The following PRH1 variants were observed in gnomAD, a reference collection of about 807,000 sequenced individuals.
PRH1 encodes salivary acidic proline-rich phosphoprotein 1/2.
A neutral mutation model predicts 7.9 loss-of-function variants in PRH1; 7 were observed. The ratio of observed to expected loss-of-function variants is 0.89; its 90% CI spans 0.50 to 1.67. The LOEUF (loss-of-function observed/expected upper bound fraction) is 1.67. Among genes scored for constraint, PRH1 ranks in the 40% most tolerant of loss-of-function variants. PRH1 has a pLI of 0.00. For missense variants in PRH1, 109 were observed against 223.6 expected, an observed-to-expected ratio of 0.49 and a Z score of 3.27; for synonymous variants, 45 against 80.8, an observed-to-expected ratio of 0.56 and a Z score of 2.38.
intron 1 of PRH1, among the ~76,000 whole-genome samples, chr12:11,101,431 A>G (rs1281614831): frequency 6.6e-6 from 1 of 152,230 alleles, no homozygotes; most frequent in African/African-American, 2.4e-5. Flanking sequence ...CAGAGGCTGC[A>G]TTGAGCCAAG....
chr12:10,928,438 T>G (rs188148303), intron 2 of PRH1, among the ~76,000 whole-genome samples: 2 of 152,340 alleles, frequency 1.3e-5, no homozygotes, highest in East Asian at 3.9e-4. Flanking sequence ...CTTAGCTACA[T>G]GACATCGTGT....
intron 1 of PRH1, among the ~76,000 whole-genome samples, chr12:11,029,870 T>C (rs1942099339): frequency 6.6e-6 from 1 of 152,306 alleles, no homozygotes; most frequent in South Asian, 2.1e-4. Context: ...TAGAAATTCA[T>C]AATGGAATAA....
intron 1 of PRH1, among the ~76,000 whole-genome samples, chr12:11,027,906 C>T (rs1483665761): frequency 6.6e-6 from 1 of 152,212 alleles, no homozygotes; most frequent in Non-Finnish European, 1.5e-5. Flanking sequence ...AGCATAGAGT[C>T]CCTCTAAGCA....
At chr12:11,150,791 G>A (rs1947057655) in intron 1 of PRH1, among the ~76,000 whole-genome samples, 1 of 152,098 alleles carries the variant, frequency 6.6e-6, no homozygotes, top group Admixed American at 6.5e-5. Context: ...TGCACATTGT[G>A]CACATGTACC....
intron 1 of PRH1, among the ~76,000 whole-genome samples, chr12:11,122,312 T>C (rs1010639113): frequency 5.6e-5 from 8 of 143,748 alleles, no homozygotes; most frequent in Admixed American, 2.8e-4. Flanking sequence ...CCAAACTCTA[T>C]CTTCAAGATG....
At chr12:10,893,533 C>T (rs988133526) in intron 2 of PRH1, among the ~76,000 whole-genome samples, 9 of 152,098 alleles carry the variant, frequency 5.9e-5, no homozygotes, top group Non-Finnish European at 7.4e-5. Context: ...TTAAATGTCC[C>T]CTAGGGGGGC....
intron 1 of PRH1, chr12:11,030,755 CAT>C (rs756216958): frequency 1.3e-5 from 20 of 1,598,930 alleles, no homozygotes; most frequent in Non-Finnish European, 1.6e-5. Flanking sequence ...CAGCAAAAAA[CAT>C]AGCAGGGTCA....
Position 11,037,818 on chromosome 12 carries a change from T to C in PRH1, c.-126+9202A>G, listed in dbSNP as rs569219847. Among the ~76,000 whole-genome samples, 15 of 152,332 alleles carry C rather than the reference T, an allele frequency of 9.8e-5. No homozygotes were observed. In the South Asian group the frequency reaches 1.2e-3, roughly 13 times the overall value. ...ATTTTGAAAGGCTGAGGGAGGTGGA[T>C]TGCCTGAGCACAAGAGTTCAAGCCC... On this transcript the variant is annotated intron_variant, in intron 1 of 3. Coordinates refer to the PRH1 transcript ENST00000539853.
At chr12:11,030,701 T>C (rs569826674) in intron 1 of PRH1, 6 of 1,614,200 alleles carry the variant, frequency 3.7e-6, no homozygotes, top group East Asian at 2.2e-5. Context: ...TCCTTTACCA[T>C]GGAGCTGCAT....
intron 1 of PRH1, among the ~76,000 whole-genome samples, chr12:10,980,018 A>G (rs1240233837): frequency 6.6e-6 from 1 of 152,170 alleles, no homozygotes; most frequent in Non-Finnish European, 1.5e-5. Context: ...TATTAGAGAA[A>G]GGATTCTGGA....
chr12:11,059,658 G>A (rs1943504941), intron 1 of PRH1, among the ~76,000 whole-genome samples: 1 of 151,892 alleles, frequency 6.6e-6, no homozygotes, highest in African/African-American at 2.4e-5. Flanking sequence ...TCAGACACCT[G>A]ATACAGTTGC....
chr12:11,048,403 T>C (rs1942996816), upstream of PRH1: 1 of 308,532 alleles, frequency 3.2e-6, no homozygotes, highest in Admixed American at 3.8e-5. Flanking sequence ...CTGTTTTGGC[T>C]TCCTACTTCC....
At chr12:11,066,342 T>C (rs1943810616) in intron 1 of PRH1, among the ~76,000 whole-genome samples, 1 of 152,168 alleles carries the variant, frequency 6.6e-6, no homozygotes, top group Non-Finnish European at 1.5e-5. Flanking sequence ...ATAAAATGTA[T>C]CATTTGCTTT....
rs199995811 is a variant in PRH1 at position 11,081,939 on chromosome 12, C to CT, written n.124-34752dup. ...ATTTTATTTATACTAAAATCAAAAT[C>CT]TTTTCATAGTGTTACATGGATTAGT... On this transcript the variant is annotated intron_variant and non_coding_transcript_variant, in intron 1 of 4. Transcript: ENST00000541977. Among the ~76,000 whole-genome samples, 901 of 94,410 alleles carry CT rather than the reference C, an allele frequency of 9.5e-3. 2 individuals are homozygous for CT. The highest frequency in any genetic ancestry group is 0.014 in the Admixed American group (130 of 9,030). 61.9% of individuals were successfully genotyped at this position (94,410 alleles called of 152,430 possible).
intron 1 of PRH1, among the ~76,000 whole-genome samples, chr12:11,013,239 C>T (rs962576667): frequency 1.3e-5 from 2 of 152,122 alleles, no homozygotes; most frequent in East Asian, 1.9e-4. Flanking sequence ...TTCTGTGGTA[C>T]TGGCATTACA....
At chr12:10,986,906 G>A in intron 1 of PRH1, 1 of 1,346,308 alleles carries the variant, frequency 7.4e-7, no homozygotes, top group East Asian at 2.4e-5. Flanking sequence ...AATATCACTG[G>A]TTGTGATTTC....
At chr12:10,947,142 A>AT (rs1950500422) in intron 2 of PRH1, among the ~76,000 whole-genome samples, 1 of 152,158 alleles carries the variant, frequency 6.6e-6, no homozygotes, top group African/African-American at 2.4e-5. Context: ...GGTCTACCAG[A>AT]TCCATTTGGT....
At chr12:11,032,122 T>C (rs1424964883) in intron 1 of PRH1, among the ~76,000 whole-genome samples, 3 of 152,240 alleles carry the variant, frequency 2.0e-5, no homozygotes, top group Non-Finnish European at 4.4e-5. Flanking sequence ...CACACTGAAA[T>C]TGACGTGAAA....
At chr12:10,977,498 G>C (rs1361662602) in intron 1 of PRH1, among the ~76,000 whole-genome samples, 1 of 152,054 alleles carries the variant, frequency 6.6e-6, no homozygotes, top group Non-Finnish European at 1.5e-5. Flanking sequence ...TGGAAGATAG[G>C]AACAAGACAA....
Sources: allele counts gnomAD v4.1 joint callset (sites outside exome capture counted in the v4.1 genomes callset), GRCh38; gene constraint gnomAD v4.1.1; transcripts MANE v1.5; gene names NCBI Gene and HGNC (gene_info 2026-07-23, HGNC 2026-07-21).